Variants in ZFYVE9 observed in about 807,000 individuals in gnomAD.
The protein encoded by ZFYVE9 is zinc finger FYVE domain-containing protein 9.
ZFYVE9 carries 43 observed loss-of-function variants against 126.7 expected under a neutral mutation model. The ratio of observed to expected loss-of-function variants is 0.34; its 90% CI spans 0.27 to 0.44. The LOEUF (loss-of-function observed/expected upper bound fraction) is 0.44. Ranked by LOEUF, ZFYVE9 falls within the 20% of genes least tolerant of loss-of-function variation. ZFYVE9 has a pLI of 1.00. For synonymous variants in ZFYVE9, 521 were observed against 597.4 expected (o/e 0.87, Z 1.87); for missense variants, 1,476 against 1,697.0 (o/e 0.87, Z 2.29).
At chr1:52,173,442 A>G (rs1219188843) in intron 1 of ZFYVE9, among the ~76,000 whole-genome samples, 2 of 152,304 alleles carry the variant, frequency 1.3e-5, no homozygotes, top group Non-Finnish European at 2.9e-5. Flanking sequence ...ATGTTCATCA[A>G]GGATATTGGT....
chr1:52,266,627 A>T, intron 5 of ZFYVE9, 28 bp from the exon 6 acceptor site: 1 of 1,539,656 alleles, frequency 6.5e-7, no homozygotes, highest in Non-Finnish European at 8.7e-7. Flanking sequence ...CAATCCATTC[A>T]CATTGATTGT....
At chr1:52,165,058 A>G (rs1644500267) in intron 1 of ZFYVE9, among the ~76,000 whole-genome samples, 1 of 152,174 alleles carries the variant, frequency 6.6e-6, no homozygotes. Flanking sequence ...ACCAAATTGC[A>G]CACTTTTAAA....
chr1:52,154,908 CCTT>C (rs1163213023), intron 1 of ZFYVE9, among the ~76,000 whole-genome samples: 4 of 152,052 alleles, frequency 2.6e-5, no homozygotes, highest in African/African-American at 4.8e-5. Flanking sequence ...GCTTTTTTCT[CCTT>C]CTTAAGTTGG....
chr1:52,147,609 C>T (rs891976635), intron 1 of ZFYVE9, among the ~76,000 whole-genome samples: 2 of 152,204 alleles, frequency 1.3e-5, no homozygotes, highest in African/African-American at 4.8e-5. Flanking sequence ...GGAAATACCA[C>T]ATTTTATTCA....
At chr1:52,321,881 G>A (rs955899003) in intron 13 of ZFYVE9, among the ~76,000 whole-genome samples, 1 of 152,128 alleles carries the variant, frequency 6.6e-6, no homozygotes, top group East Asian at 1.9e-4. Context: ...ATTAGTTCTT[G>A]TAAGTCTTAT....
In ZFYVE9 at chr1:52,239,042, TGAA is replaced by T; in HGVS notation, c.1629_1631del (p.Lys544del). On this transcript the variant is annotated inframe_deletion, in exon 4 of 19. Coordinates refer to ENST00000287727, the MANE Select transcript of ZFYVE9 (RefSeq NM_004799.4). ...CTTTTAAACAGCACTGGTGACCTAATGAAGAAAAATTATTTACATAATTTCTGT... is the reference window on the plus strand; with the variant it reads ...CTTTTAAACAGCACTGGTGACCTAATGAAAAATTATTTACATAATTTCTGT... The T allele has an allele frequency of 1.2e-6, 2 of 1,614,120 alleles. No individual in the cohort carries two copies.
rs556526835 is a variant in ZFYVE9, at chr1:52,231,691, TCGGCTCA to T, written c.-36-1478_-36-1472del. On this transcript the variant is annotated intron_variant, in intron 2 of 18. Transcript: ENST00000287727. ...CAGGCTGGAGTGCAGTGGTGCAATC[TCGGCTCA>T]CTGCAACCTCCACCTCCCGGGTTCA... Among the ~76,000 whole-genome samples the T allele has an allele frequency of 2.8e-4, 42 of 151,504 alleles. 1 individual carries two copies. In the South Asian group the frequency reaches 8.3e-3, roughly 30 times the overall value.
At chr1:52,196,630 C>T (rs1042815823) in intron 1 of ZFYVE9, among the ~76,000 whole-genome samples, 30 of 151,940 alleles carry the variant, frequency 2.0e-4, no homozygotes, top group African/African-American at 6.0e-4. Context: ...GAGCAAGACC[C>T]GGTCTCAGAA....
intron 4 of ZFYVE9, chr1:52,252,760 A>C (rs113353141): frequency 0.019 from 9,036 of 463,852 alleles, 339 homozygotes; most frequent in African/African-American, 0.11. Context: ...GACTGCTACC[A>C]CTGTACTGGC....
At chr1:52,310,311 ATATT>A (rs1646125962) in intron 13 of ZFYVE9, among the ~76,000 whole-genome samples, 1 of 152,104 alleles carries the variant, frequency 6.6e-6, no homozygotes, top group African/African-American at 2.4e-5. Flanking sequence ...CTAATAATAA[ATATT>A]TAGTATGTAC....
chr1:52,306,885 C>A (rs979591364), intron 13 of ZFYVE9, among the ~76,000 whole-genome samples: 5 of 152,206 alleles, frequency 3.3e-5, no homozygotes, highest in African/African-American at 1.2e-4. Context: ...TGGCCGGAAC[C>A]CACGCTTGCT....
intron 4 of ZFYVE9, among the ~76,000 whole-genome samples, chr1:52,258,945 G>T (rs887522901): frequency 1.3e-5 from 2 of 151,366 alleles, no homozygotes; most frequent in Admixed American, 1.3e-4. Context: ...CATTATTTGA[G>T]ATTATTGTCC....
At chr1:52,308,093 A>G (rs573809776) in intron 13 of ZFYVE9, among the ~76,000 whole-genome samples, 11 of 152,304 alleles carry the variant, frequency 7.2e-5, no homozygotes, top group East Asian at 5.8e-4. Context: ...TTTTAACTCA[A>G]CATAATTTTA....
chr1:52,208,018 G>T (rs889108138), intron 1 of ZFYVE9, among the ~76,000 whole-genome samples: 5 of 152,296 alleles, frequency 3.3e-5, no homozygotes, highest in African/African-American at 1.2e-4. Context: ...AGTAGCAACA[G>T]CTATTAAACA....
chr1:52,257,317 T>C (rs949643908), intron 4 of ZFYVE9, among the ~76,000 whole-genome samples: 20 of 152,308 alleles, frequency 1.3e-4, no homozygotes, highest in South Asian at 8.3e-4. Context: ...CTATTTTACA[T>C]GTGAGAAAAA....
intron 1 of ZFYVE9, among the ~76,000 whole-genome samples, chr1:52,172,694 T>C (rs1196994758): frequency 6.6e-6 from 1 of 151,978 alleles, no homozygotes; most frequent in Non-Finnish European, 1.5e-5. Flanking sequence ...TGGTTTGTAG[T>C]TCTCCTTGAA....
At chr1:52,298,486 A>G (rs987644487) in intron 12 of ZFYVE9, among the ~76,000 whole-genome samples, 10 of 151,996 alleles carry the variant, frequency 6.6e-5, no homozygotes, top group Admixed American at 3.9e-4. Context: ...TGGGCCTTCT[A>G]TTCTGTACTG....
intron 9 of ZFYVE9, among the ~76,000 whole-genome samples, chr1:52,279,940 G>A (rs1455288547): frequency 6.6e-6 from 1 of 152,184 alleles, no homozygotes; most frequent in African/African-American, 2.4e-5. Flanking sequence ...TTGATGAAAT[G>A]TGGGTTTCTG....
chr1:52,184,883 G>T (rs930883038), intron 1 of ZFYVE9, among the ~76,000 whole-genome samples: 7 of 152,044 alleles, frequency 4.6e-5, no homozygotes, highest in African/African-American at 7.2e-5. Flanking sequence ...GACTGGGCAC[G>T]GTGGCTCATG....
Sources: gnomAD v4.1 joint callset for allele counts (sites outside exome capture counted in the v4.1 genomes callset) on GRCh38, gnomAD v4.1.1 for gene constraint, MANE v1.5 for transcripts, NCBI Gene and HGNC (gene_info 2026-07-23, HGNC 2026-07-21) for gene names.